Variants in RASGRF2 observed in about 807,000 individuals in gnomAD.
The protein encoded by RASGRF2 is ras-specific guanine nucleotide-releasing factor 2.
Under a neutral mutation model 151.0 loss-of-function variants are expected in RASGRF2, and 76 were observed. The ratio of observed to expected loss-of-function variants is 0.50; its 90% CI spans 0.42 to 0.61. RASGRF2 has a LOEUF of 0.61. Ranked by LOEUF, RASGRF2 falls within the 20% of genes least tolerant of loss-of-function variation. The pLI, the probability that RASGRF2 is intolerant of heterozygous loss-of-function variation, is 0.00. For missense variants in RASGRF2, 1,148 were observed against 1,564.6 expected (o/e 0.73, Z 4.49); for synonymous variants, 504 against 566.5 (o/e 0.89, Z 1.57).
intron 1 of RASGRF2, among the ~76,000 whole-genome samples, chr5:81,026,751 G>A (rs13436898): frequency 0.081 from 12,079 of 149,726 alleles, 679 homozygotes; most frequent in East Asian, 0.16. Context: ...TTTTAAGGGC[G>A]AAAAAAAAAG....
chr5:81,037,592 T>C (rs574356431), intron 1 of RASGRF2, among the ~76,000 whole-genome samples: 4 of 152,276 alleles, frequency 2.6e-5, no homozygotes, highest in African/African-American at 9.6e-5. Flanking sequence ...ATAAAGAAAG[T>C]TTAATATTTG....
intron 1 of RASGRF2, among the ~76,000 whole-genome samples, chr5:80,988,008 CGTGTGTGT>C (rs58750663): frequency 0.057 from 7,957 of 139,306 alleles, 586 homozygotes; most frequent in African/African-American, 0.17. Context: ...AATAAATGTG[CGTGTGTGT>C]GTGTGTGTGT....
intron 1 of RASGRF2, among the ~76,000 whole-genome samples, chr5:81,038,813 C>T (rs1487924021): frequency 6.6e-6 from 1 of 152,068 alleles, no homozygotes; most frequent in Non-Finnish European, 1.5e-5. Flanking sequence ...TGGACTCAAG[C>T]AGTCCTCCTG....
chr5:81,084,646 G>A (rs1212269734), intron 7 of RASGRF2, among the ~76,000 whole-genome samples: 5 of 152,168 alleles, frequency 3.3e-5, no homozygotes, highest in African/African-American at 1.2e-4. Context: ...ATAAACATTG[G>A]TAAGCAGCCC....
At chr5:81,175,205 G>A (rs542268157) in intron 17 of RASGRF2, among the ~76,000 whole-genome samples, 13 of 152,232 alleles carry the variant, frequency 8.5e-5, no homozygotes, top group East Asian at 3.9e-4. Flanking sequence ...TGAAGAAGCC[G>A]CATTACTTAT....
At chr5:81,084,568 G>A (rs1364645037) in intron 7 of RASGRF2, among the ~76,000 whole-genome samples, 1 of 152,164 alleles carries the variant, frequency 6.6e-6, no homozygotes, top group East Asian at 1.9e-4. Context: ...TGTGATCCCA[G>A]AGCTGAAGTT....
At chr5:81,132,889 G>T (rs555742403) in intron 17 of RASGRF2, among the ~76,000 whole-genome samples, 3 of 152,230 alleles carry the variant, frequency 2.0e-5, no homozygotes, top group Admixed American at 6.5e-5. Flanking sequence ...TAAACTTTTA[G>T]GGCACCTCCC....
At chr5:81,205,997 CCTA>C (rs1202227732) in intron 19 of RASGRF2, among the ~76,000 whole-genome samples, 2 of 152,126 alleles carry the variant, frequency 1.3e-5, no homozygotes, top group Non-Finnish European at 2.9e-5. Flanking sequence ...GATCTGCCCT[CCTA>C]CTATTTTAAT....
chr5:80,983,329 G>A (rs960888133), intron 1 of RASGRF2, among the ~76,000 whole-genome samples: 11 of 152,208 alleles, frequency 7.2e-5, no homozygotes, highest in African/African-American at 1.9e-4. Flanking sequence ...CAGTTGCTAG[G>A]TCTCGTCCCT....
chr5:81,224,052 A>T (rs1755919264), intron 26 of RASGRF2, among the ~76,000 whole-genome samples: 1 of 152,246 alleles, frequency 6.6e-6, no homozygotes, highest in South Asian at 2.1e-4. Flanking sequence ...TATAAGCAGT[A>T]GACAATGAGA....
intron 17 of RASGRF2, among the ~76,000 whole-genome samples, chr5:81,167,386 G>T (rs1754537554): frequency 6.6e-6 from 1 of 152,190 alleles, no homozygotes; most frequent in Non-Finnish European, 1.5e-5. Flanking sequence ...AGCATCACCA[G>T]TAGGGACACA....
intron 12 of RASGRF2, among the ~76,000 whole-genome samples, chr5:81,102,560 C>T (rs537266173): frequency 7.2e-4 from 109 of 151,840 alleles, no homozygotes; most frequent in African/African-American, 2.3e-3. Flanking sequence ...CCAGGCGTGG[C>T]GGCACATGCC....
Position 81,156,778 on chromosome 5 carries a change from T to G in RASGRF2, c.2687-23397T>G, listed in dbSNP as rs146125770. On this transcript the variant is annotated intron_variant, in intron 17 of 26. Transcript: ENST00000265080. The stretch of plus-strand genomic sequence containing the variant: ...TGTAAAGAACAATATCAACGATGCC[T>G]GCTCTTGCCACTTCTATTCAACATT... Among the ~76,000 whole-genome samples the G allele has an allele frequency of 2.0e-4, 30 of 152,334 alleles. No homozygotes were observed. In the East Asian group the frequency reaches 5.2e-3, roughly 26 times the overall value.
chr5:81,066,938 A>G (rs1050485664), intron 2 of RASGRF2, among the ~76,000 whole-genome samples: 8 of 152,214 alleles, frequency 5.3e-5, no homozygotes, highest in African/African-American at 1.9e-4. Flanking sequence ...TTGGGCAGGT[A>G]TCTCAAAACA....
intron 17 of RASGRF2, among the ~76,000 whole-genome samples, chr5:81,158,171 A>G (rs1214417161): frequency 3.9e-5 from 6 of 152,222 alleles, no homozygotes; most frequent in Non-Finnish European, 8.8e-5. Context: ...TAGCAAAAAG[A>G]TAGTCATATA....
intron 7 of RASGRF2, among the ~76,000 whole-genome samples, chr5:81,082,449 TG>T (rs1419521781): frequency 3.3e-5 from 5 of 152,200 alleles, no homozygotes; most frequent in African/African-American, 1.2e-4. Flanking sequence ...AACATTGGAC[TG>T]GGAATCTTTA....
chr5:81,117,323 A>G lies in RASGRF2; in HGVS notation c.2470+3403A>G, dbSNP rs549889906. On this transcript the variant is annotated intron_variant, in intron 15 of 26. Transcript: ENST00000265080. The stretch of plus-strand genomic sequence containing the variant: ...CACAATTCTGGAGGTTGGGAAGTTC[A>G]AGATCAAGGCACTGACATCTTGTGA... Among the ~76,000 whole-genome samples the G allele has an allele frequency of 2.0e-5, 3 of 152,360 alleles. No individual in the cohort carries two copies. In the South Asian group the frequency reaches 6.2e-4, roughly 32 times the overall value.
chr5:81,026,732 C>A (rs1467740697), intron 1 of RASGRF2, among the ~76,000 whole-genome samples: 2 of 151,716 alleles, frequency 1.3e-5, no homozygotes, highest in South Asian at 4.2e-4. Context: ...GAAAAAGCTG[C>A]GTATGTATTT....
rs551086793 is a variant in RASGRF2 at position 81,020,113 on chromosome 5, A to T, written c.289-22764A>T. ...TTCACACAAAGCTACAATTGATGCC[A>T]ATAAGACCCAGACCTTTGCATTTCC... On this transcript the variant is annotated intron_variant, in intron 1 of 26. Transcript: ENST00000265080. 2.6e-5 allele frequency among the ~76,000 whole-genome samples: 4 copies of T among 152,356 alleles called. No individual in the cohort carries two copies. The East Asian group carries it at 7.7e-4, about 29-fold the overall frequency.
Sources: gnomAD v4.1 joint callset for allele counts (sites outside exome capture counted in the v4.1 genomes callset) on GRCh38, gnomAD v4.1.1 for gene constraint, MANE v1.5 for transcripts, NCBI Gene and HGNC (gene_info 2026-07-23, HGNC 2026-07-21) for gene names.